Variants in CDH13 observed in about 807,000 individuals in gnomAD.
The protein encoded by CDH13 is cadherin-13.
A neutral mutation model predicts 63.8 loss-of-function variants in CDH13; 24 were observed. The ratio of observed to expected loss-of-function variants is 0.38; its 90% confidence interval spans 0.27 to 0.53. CDH13 has a LOEUF of 0.53. Ranked by LOEUF, CDH13 falls within the 20% of genes least tolerant of loss-of-function variation. CDH13 has a pLI of 0.85. For missense variants in CDH13, 1,049 were observed against 903.1 expected (o/e 1.16, Z -2.07); for synonymous variants, 503 against 355.3 (o/e 1.42, Z -4.67).
chr16:83,585,262 C>T (rs1211958228), intron 7 of CDH13, among the ~76,000 whole-genome samples: 5 of 152,050 alleles, frequency 3.3e-5, no homozygotes, highest in African/African-American at 9.7e-5. Context: ...CAGATCACTC[C>T]GAATTTATAT....
intron 7 of CDH13, among the ~76,000 whole-genome samples, chr16:83,521,160 C>T (rs1337535931): frequency 6.6e-6 from 1 of 152,136 alleles, no homozygotes; most frequent in African/African-American, 2.4e-5. Flanking sequence ...ACTTTGCTAA[C>T]ACGTTTTAAA....
At chr16:83,779,303 A>T (rs1915338433) in intron 11 of CDH13, among the ~76,000 whole-genome samples, 1 of 143,534 alleles carries the variant, frequency 7.0e-6, no homozygotes, top group Non-Finnish European at 1.5e-5. Context: ...GCTACTCGGG[A>T]GGCTGAGGCA....
intron 11 of CDH13, among the ~76,000 whole-genome samples, chr16:83,768,746 G>C (rs1463429537): frequency 2.0e-5 from 3 of 152,026 alleles, no homozygotes; most frequent in Non-Finnish European, 4.4e-5. Context: ...CATGGCATTT[G>C]TAAACTGTCA....
Position 82,629,506 on chromosome 16 carries a change from C to T in CDH13, c.45+2369C>T, listed in dbSNP as rs533879760. Among the ~76,000 whole-genome samples the T allele has an allele frequency of 5.9e-5, 9 of 152,254 alleles. No homozygotes were observed. The East Asian group carries it at 1.5e-3, about 26-fold the overall frequency. Reference sequence around the variant, plus strand: ...GAAAGTCTTCGAGGCCTTGAGTCGACGAGCAAAAACACAACTTTCCTGAGG... The same window carrying T: ...GAAAGTCTTCGAGGCCTTGAGTCGATGAGCAAAAACACAACTTTCCTGAGG... On this transcript the variant is annotated intron_variant, in intron 1 of 13. Transcript: ENST00000567109.
intron 6 of CDH13, among the ~76,000 whole-genome samples, chr16:83,433,899 T>C (rs770948138): frequency 3.9e-5 from 6 of 152,314 alleles, no homozygotes; most frequent in African/African-American, 9.6e-5. Context: ...TCTAAAAATA[T>C]GAATTATGCT....
chr16:82,750,433 G>T, intron 1 of CDH13, among the ~76,000 whole-genome samples: 1 of 152,102 alleles, frequency 6.6e-6, no homozygotes, highest in East Asian at 1.9e-4. Context: ...TCTTTAGGGA[G>T]CTTGTTGGTT....
At chr16:83,416,860 G>A (rs2071564259) in intron 6 of CDH13, among the ~76,000 whole-genome samples, 1 of 152,078 alleles carries the variant, frequency 6.6e-6, no homozygotes, top group African/African-American at 2.4e-5. Flanking sequence ...GTAAGATGGG[G>A]ATAAAAATAC....
At chr16:83,277,907 C>T (rs1320210820) in intron 5 of CDH13, among the ~76,000 whole-genome samples, 1 of 152,048 alleles carries the variant, frequency 6.6e-6, no homozygotes, top group African/African-American at 2.4e-5. Flanking sequence ...TATTGGGCAA[C>T]AAACTAAATA....
At chr16:82,757,838 A>C (rs1007931290) in intron 1 of CDH13, among the ~76,000 whole-genome samples, 8 of 151,880 alleles carry the variant, frequency 5.3e-5, no homozygotes, top group Non-Finnish European at 1.0e-4. Flanking sequence ...TTTAGTAGAG[A>C]CAGAGTTTCA....
chr16:83,180,058 C>G (rs1249323797), intron 4 of CDH13, among the ~76,000 whole-genome samples: 1 of 152,006 alleles, frequency 6.6e-6, no homozygotes, highest in Non-Finnish European at 1.5e-5. Flanking sequence ...CTTTGTTTTA[C>G]TTAGAAAACA....
chr16:83,223,185 G>T (rs185369667), intron 5 of CDH13, among the ~76,000 whole-genome samples: 1 of 152,216 alleles, frequency 6.6e-6, no homozygotes, highest in Admixed American at 6.5e-5. Context: ...ATTTCTAGAG[G>T]ATGGACAATC....
intron 1 of CDH13, chr16:82,773,330 G>A (rs893589129): frequency 6.6e-6 from 1 of 152,244 alleles, no homozygotes; most frequent in African/African-American, 2.4e-5. Context: ...CCCATCCCTG[G>A]ATTGATGTAG....
At chr16:83,125,227 T>C (rs2035758242) in intron 3 of CDH13, among the ~76,000 whole-genome samples, 158 bp from the exon 4 acceptor site, 1 of 152,234 alleles carries the variant, frequency 6.6e-6, no homozygotes, top group Admixed American at 6.5e-5. Context: ...AGTATTATTC[T>C]AGTAATGTAC....
intron 1 of CDH13, among the ~76,000 whole-genome samples, chr16:82,746,924 C>T (rs1007407770): frequency 6.6e-6 from 1 of 152,062 alleles, no homozygotes; most frequent in African/African-American, 2.4e-5. Context: ...TTAGAGCAGC[C>T]CTGTTTCTTT....
chr16:83,250,262 C>T (rs574228416), intron 5 of CDH13, among the ~76,000 whole-genome samples: 14 of 152,196 alleles, frequency 9.2e-5, no homozygotes, highest in African/African-American at 3.4e-4. Context: ...ATTTTTCCTC[C>T]TTTTTACTTT....
rs555486056 is a variant in CDH13, at chr16:83,797,098, G to A, written c.*2068G>A. 18 of 152,320 alleles carry A rather than the reference G, an allele frequency of 1.2e-4. No homozygotes were observed. The highest frequency in any genetic ancestry group is 8.3e-4 in the South Asian group (4 of 4,824). The allele number at this position is 152,320 out of a possible 1,614,324, so 9.4% of individuals were successfully genotyped here. Reference sequence around the variant, plus strand: ...TACAGGGCACTGTCACGCGTCTCCCGGGCGCACCTTGCTCCCCTCTTCCTG... The same window carrying A: ...TACAGGGCACTGTCACGCGTCTCCCAGGCGCACCTTGCTCCCCTCTTCCTG... On this transcript the variant is annotated 3_prime_UTR_variant, in exon 14 of 14. Coordinates refer to ENST00000567109, the MANE Select transcript of CDH13 (RefSeq NM_001257.5).
At chr16:83,658,700 A>C (rs1360537891) in intron 8 of CDH13, among the ~76,000 whole-genome samples, 2 of 133,082 alleles carry the variant, frequency 1.5e-5, no homozygotes, top group Admixed American at 1.5e-4. Context: ...ACCAGGTCCC[A>C]TATCCTCACC....
intron 4 of CDH13, among the ~76,000 whole-genome samples, chr16:83,130,563 T>C (rs1019975593): frequency 2.0e-5 from 3 of 152,204 alleles, no homozygotes; most frequent in Non-Finnish European, 4.4e-5. Context: ...AGGAAGTATA[T>C]TAAAATGTTA....
At chr16:82,939,664 T>C (rs180722220) in intron 2 of CDH13, among the ~76,000 whole-genome samples, 41 of 152,310 alleles carry the variant, frequency 2.7e-4, no homozygotes, top group African/African-American at 9.9e-4. Flanking sequence ...GGTTGTTTGC[T>C]GTCTTCTCCA....
Sources: allele counts gnomAD v4.1 joint callset (sites outside exome capture counted in the v4.1 genomes callset), GRCh38; gene constraint gnomAD v4.1.1; transcripts MANE v1.5; gene names NCBI Gene and HGNC (gene_info 2026-07-23, HGNC 2026-07-21).